The following DPYSL3 variants were observed in gnomAD, a reference collection of about 807,000 sequenced individuals.
DPYSL3 encodes dihydropyrimidinase-related protein 3.
Under a neutral mutation model 66.1 loss-of-function variants are expected in DPYSL3, and 16 were observed. The ratio of observed to expected loss-of-function variants is 0.24; its 90% CI spans 0.16 to 0.37. DPYSL3 has a LOEUF of 0.37. DPYSL3 is among the 10% of genes least tolerant of loss of function. The pLI is 1.00. For synonymous variants in DPYSL3, 338 were observed against 345.1 expected (o/e 0.98, Z 0.23); for missense variants, 738 against 916.2 (o/e 0.81, Z 2.51).
chr5:147,395,868 T>A, intron 12 of DPYSL3, 147 bp from the exon 13 acceptor site: 1 of 1,026,176 alleles, frequency 9.7e-7, no homozygotes, highest in Non-Finnish European at 1.4e-6. Flanking sequence ...GGAGAAGTAG[T>A]ATAAAATAAA....
intron 8 of DPYSL3, among the ~76,000 whole-genome samples, chr5:147,403,555 A>G (rs1230520042): frequency 6.6e-6 from 1 of 152,120 alleles, no homozygotes; most frequent in Admixed American, 6.5e-5. Context: ...TCTACACAAT[A>G]AAAAAATTAA....
intron 1 of DPYSL3, among the ~76,000 whole-genome samples, chr5:147,441,357 C>G (rs1253059308): frequency 6.6e-6 from 1 of 151,716 alleles, no homozygotes; most frequent in Non-Finnish European, 1.5e-5. Context: ...TCCTTGTGTC[C>G]TCACATGGTC....
intron 6 of DPYSL3, among the ~76,000 whole-genome samples, chr5:147,409,204 G>A (rs920859858): frequency 7.2e-5 from 11 of 152,134 alleles, no homozygotes; most frequent in African/African-American, 2.7e-4. Flanking sequence ...CTAGGCTCTG[G>A]GTAAGTACCT....
intron 1 of DPYSL3, among the ~76,000 whole-genome samples, chr5:147,458,290 C>T (rs1032035438): frequency 2.6e-5 from 4 of 152,142 alleles, no homozygotes; most frequent in Admixed American, 6.5e-5. Context: ...ACCAAGATGG[C>T]GACAAGAGTG....
chr5:147,450,057 G>A (rs941065003), intron 1 of DPYSL3, among the ~76,000 whole-genome samples: 1 of 152,168 alleles, frequency 6.6e-6, no homozygotes, highest in Non-Finnish European at 1.5e-5. Context: ...AGAGGCAGAG[G>A]CGGAGACACC....
intron 1 of DPYSL3, among the ~76,000 whole-genome samples, chr5:147,501,478 ATTTTTTTT>A (rs749216433): frequency 1.1e-5 from 1 of 91,080 alleles, no homozygotes; most frequent in Non-Finnish European, 2.0e-5. Context: ...GGTGATAATG[ATTTTTTTT>A]TTTTTTTTTT....
At chr5:147,458,609 C>T (rs541362173) in intron 1 of DPYSL3, among the ~76,000 whole-genome samples, 1 of 152,272 alleles carries the variant, frequency 6.6e-6, no homozygotes, top group Admixed American at 6.5e-5. Context: ...GGGTCTGGAT[C>T]GAGACCCCTT....
intron 1 of DPYSL3, among the ~76,000 whole-genome samples, chr5:147,438,196 G>C (rs142098168): frequency 2.6e-5 from 4 of 152,096 alleles, no homozygotes; most frequent in East Asian, 1.9e-4. Flanking sequence ...CTATACACCC[G>C]CAACTCTGCT....
intron 1 of DPYSL3, among the ~76,000 whole-genome samples, chr5:147,454,729 AG>A (rs1234063191): frequency 6.6e-6 from 1 of 152,190 alleles, no homozygotes; most frequent in Non-Finnish European, 1.5e-5. Flanking sequence ...TACTTTAGGC[AG>A]GGCTGACAGA....
chr5:147,476,417 T>A (rs924985477), intron 1 of DPYSL3, among the ~76,000 whole-genome samples: 58 of 152,256 alleles, frequency 3.8e-4, no homozygotes, highest in Non-Finnish European at 6.9e-4. Flanking sequence ...ATGCAAAATA[T>A]GTTAATGCAT....
At chr5:147,478,492 A>C (rs2126432267) in intron 1 of DPYSL3, among the ~76,000 whole-genome samples, 1 of 152,278 alleles carries the variant, frequency 6.6e-6, no homozygotes, top group South Asian at 2.1e-4. Context: ...ATGCCTGTTA[A>C]GTTTTGTGGC....
At chr5:147,462,911 T>G (rs1256503667) in intron 1 of DPYSL3, among the ~76,000 whole-genome samples, 1 of 152,086 alleles carries the variant, frequency 6.6e-6, no homozygotes, top group African/African-American at 2.4e-5. Flanking sequence ...AAGAGTTCCT[T>G]TTGGACCCTG....
chr5:147,438,415 C>A (rs1179030807), intron 1 of DPYSL3, among the ~76,000 whole-genome samples: 1 of 152,164 alleles, frequency 6.6e-6, no homozygotes, highest in African/African-American at 2.4e-5. Context: ...AAATCAGAGA[C>A]AAGTGGGTAG....
At position 147,509,378 on chromosome 5, in the gene DPYSL3, C is replaced by G. The variant is rs1344132953; in HGVS notation, c.381+100G>C. ...CTTTCCTCCTCCTTGTCCCCCAGCC[C>G]CGTGCAAAGTGAGCTGGAGAAAGTT... is the stretch of plus-strand genomic sequence containing the variant. On this transcript the variant is annotated intron_variant, in intron 1 of 13. Coordinates refer to ENST00000343218, the MANE Select transcript of DPYSL3 (RefSeq NM_001197294.2). The surrounding 1 kb of genome is among the most constrained non-coding windows in gnomAD (Gnocchi z 5.3). 1.8e-5 allele frequency: 25 copies of G among 1,397,934 alleles called. No homozygotes were observed. The highest frequency in any genetic ancestry group is 2.3e-5 in the Non-Finnish European group (24 of 1,064,286). The allele number at this position is 1,397,934 out of a possible 1,614,324, so 86.6% of individuals were successfully genotyped here.
chr5:147,432,449 G>T (rs1752332249), intron 1 of DPYSL3, among the ~76,000 whole-genome samples: 1 of 152,152 alleles, frequency 6.6e-6, no homozygotes, highest in African/African-American at 2.4e-5. Context: ...TTATCAAAGG[G>T]CCTGACAAGT....
chr5:147,399,069 G>A lies in DPYSL3; in HGVS notation c.1623+13C>T. ...TCTCCATTCTACTCCACTCCCACCA[G>A]AGCGGGCCTTACAGACTGGTGGTTC... is the stretch of plus-strand genomic sequence containing the variant. On this transcript the variant is annotated intron_variant, in intron 11 of 13. Coordinates refer to ENST00000343218, the MANE Select transcript of DPYSL3 (RefSeq NM_001197294.2). The A allele has an allele frequency of 6.2e-7, 1 of 1,613,524 alleles. No homozygotes were observed. The highest frequency in any genetic ancestry group is 1.1e-5 in the South Asian group (1 of 90,970).
At chr5:147,472,035 T>C (rs1197737951) in intron 1 of DPYSL3, among the ~76,000 whole-genome samples, 2 of 152,170 alleles carry the variant, frequency 1.3e-5, no homozygotes, top group African/African-American at 2.4e-5. Flanking sequence ...TGTGAGACCA[T>C]AGCAATCAAC....
At position 147,505,311 on chromosome 5, in the gene DPYSL3, T is replaced by G. The variant is rs954484116; in HGVS notation, c.381+4167A>C. Among the ~76,000 whole-genome samples, 4 of 150,106 alleles carry G rather than the reference T, an allele frequency of 2.7e-5. No homozygotes were observed. The South Asian group carries it at 9.0e-4, about 34-fold the overall frequency. On this transcript the variant is annotated intron_variant, in intron 1 of 13. Coordinates refer to ENST00000343218, the MANE Select transcript of DPYSL3 (RefSeq NM_001197294.2). ...GTGCCATGGCGTGATCTTGGCTCAC[T>G]GCAACCTCCACCTCCCGGGTTCAAG...
At position 147,433,181 on chromosome 5, in the gene DPYSL3, T is replaced by C. The variant is rs142844228; in HGVS notation, c.382-8218A>G. Among the ~76,000 whole-genome samples, 44 of 152,300 alleles carry C rather than the reference T, an allele frequency of 2.9e-4. No homozygotes were observed. The East Asian group carries it at 8.3e-3, about 29-fold the overall frequency. On this transcript the variant is annotated intron_variant, in intron 1 of 13. Transcript: ENST00000343218. ...TGCTATTGAAGTATAGGTCCATATG[T>C]GTCCACATGGGCCTGTGAGAAGCAA...
Sources: allele counts gnomAD v4.1 joint callset (sites outside exome capture counted in the v4.1 genomes callset), GRCh38; gene constraint gnomAD v4.1.1; non-coding constraint Gnocchi (gnomAD v3.1); transcripts MANE v1.5; gene names NCBI Gene and HGNC (gene_info 2026-07-23, HGNC 2026-07-21).